Variants in MYH9 observed in about 807,000 individuals in gnomAD.
The protein encoded by MYH9 is myosin-9.
In MYH9, 29 loss-of-function variants were observed where a neutral mutation model predicts 241.9. That is an observed-to-expected ratio of 0.12 (90% CI 0.09 to 0.16). The LOEUF (loss-of-function observed/expected upper bound fraction) is 0.16. MYH9 is among the 10% of genes least tolerant of loss of function. The pLI, the probability that MYH9 is intolerant of heterozygous loss-of-function variation, is 1.00. For missense variants in MYH9, 1,803 were observed against 2,595.5 expected, an observed-to-expected ratio of 0.69 and a Z score of 6.63; for synonymous variants, 1,047 against 1,062.6, an observed-to-expected ratio of 0.99 and a Z score of 0.29.
chr22:36,337,164 C>T (rs577596583), intron 3 of MYH9, among the ~76,000 whole-genome samples: 3 of 152,290 alleles, frequency 2.0e-5, no homozygotes, highest in South Asian at 4.1e-4. Context: ...TCTTGCCCCC[C>T]ACGGAAACTT....
In MYH9 at chr22:36,293,548, C is replaced by T. The variant is rs2016740259; in HGVS notation, c.3943-67G>A. On this transcript the variant is annotated intron_variant, in intron 29 of 40. Transcript: ENST00000216181. This position sits in a 1 kb window ranked among gnomAD's most constrained non-coding sequence, Gnocchi z 5.1. ...GTGTCCAAAACCCAGGAACCCCACA[C>T]CCTTGAGGAGAGGGAGGAGCTGGTC... 6.3e-7 allele frequency: 1 copy of T among 1,594,752 alleles called. No homozygotes were observed. Among genetic ancestry groups the T allele is most frequent in the South Asian group, 1.1e-5 (1 of 90,814 alleles).
intron 1 of MYH9, among the ~76,000 whole-genome samples, chr22:36,349,956 T>C (rs1414949761): frequency 2.0e-5 from 3 of 152,154 alleles, no homozygotes; most frequent in Non-Finnish European, 4.4e-5. Context: ...CAACCCCACA[T>C]AGTGGAAGTT....
At chr22:36,367,456 T>C (rs949450187) in intron 1 of MYH9, among the ~76,000 whole-genome samples, 2 of 152,184 alleles carry the variant, frequency 1.3e-5, no homozygotes, top group Non-Finnish European at 2.9e-5. Context: ...AATGCCAAGC[T>C]TTCCAGAGAA....
Position 36,288,312 on chromosome 22 carries a change from C to A in MYH9, c.4872G>T (p.Ala1624=), listed in dbSNP as rs2269530. ...GGTTCTTGTTGGCCGAGTCGATGTG[C>A]GCCTCCAGGTCCTTCAGGTCCATCT... The part of the protein sequence containing the change: ...KLEMDLKDLE[A]HIDSANKNRD... Residue 1624 remains alanine, a synonymous_variant, in exon 34 of 41, where the codon GCG becomes GCT. Transcript: ENST00000216181. This position sits in a 1 kb window ranked among gnomAD's most constrained non-coding sequence, Gnocchi z 4.8. The A allele has an allele frequency of 0.22, 353,464 of 1,613,466 alleles. 46,971 individuals carry two copies. Among genetic ancestry groups the A allele is most frequent in the East Asian group, 0.61 (27,266 of 44,808 alleles).
chr22:36,282,396 A>C lies in MYH9; in HGVS notation c.*272T>G. On this transcript the variant is annotated 3_prime_UTR_variant, in exon 41 of 41. Transcript: ENST00000216181. ...GCTTTTTGGCAAGAGAGGGCTGAGG[A>C]GCCTGCTGGTCGCTCTCTGCCTGGG... 1 of 589,424 alleles carries C rather than the reference A, an allele frequency of 1.7e-6. No homozygotes were observed. Among genetic ancestry groups the C allele is most frequent in the Non-Finnish European group, 3.0e-6 (1 of 328,332 alleles). 36.5% of individuals were successfully genotyped at this position (589,424 alleles called of 1,614,324 possible).
intron 12 of MYH9, among the ~76,000 whole-genome samples, chr22:36,315,704 C>T (rs2017138439): frequency 6.6e-6 from 1 of 151,794 alleles, no homozygotes; most frequent in Admixed American, 6.6e-5. Flanking sequence ...GCCATGTTCA[C>T]ACCACTGCAC....
At chr22:36,343,208 C>G (rs1318851855) in intron 2 of MYH9, among the ~76,000 whole-genome samples, 1 of 152,068 alleles carries the variant, frequency 6.6e-6, no homozygotes, top group Non-Finnish European at 1.5e-5. Flanking sequence ...AGGCAGAACC[C>G]AGAGGGCCCC....
chr22:36,302,565 C>T lies in MYH9; in HGVS notation c.2499+3G>A. 1 of 1,612,266 alleles carries T rather than the reference C, an allele frequency of 6.2e-7. No individual in the cohort carries two copies. Among genetic ancestry groups the T allele is most frequent in the Non-Finnish European group, 8.5e-7 (1 of 1,179,492 alleles). ...CTACTCAGGAGGCCCTTCTAGCACGCACCTTGGTGAAGAGCCGCCACCACT... is the reference window on the plus strand; with the variant it reads ...CTACTCAGGAGGCCCTTCTAGCACGTACCTTGGTGAAGAGCCGCCACCACT... On this transcript the variant is annotated splice_donor_region_variant and intron_variant, in intron 20 of 40. Transcript: ENST00000216181.
In MYH9 at chr22:36,306,222, C is replaced by T. The variant is rs2016967449; in HGVS notation, c.2038-171G>A. On this transcript the variant is annotated intron_variant, in intron 16 of 40. Transcript: ENST00000216181. This position sits in a 1 kb window ranked among gnomAD's most constrained non-coding sequence, Gnocchi z 4.1. ...GATCCAGGTCTGGGAGGGGCCAATG[C>T]CACCAAGAGGAAGTGCAGGCTGTGA... Among the ~76,000 whole-genome samples the T allele has an allele frequency of 6.6e-6, 1 of 152,192 alleles. No individual in the cohort carries two copies. The highest frequency in any genetic ancestry group is 2.1e-4 in the South Asian group (1 of 4,826).
intron 3 of MYH9, among the ~76,000 whole-genome samples, chr22:36,333,930 G>C (rs193283581): frequency 9.4e-4 from 143 of 152,246 alleles, no homozygotes; most frequent in African/African-American, 3.3e-3. Context: ...AGTTTTTGTT[G>C]TTGGTTTATT....
rs147419066 is a variant in MYH9, at chr22:36,286,730, G to T, written c.5049C>A (p.Ile1683=). Residue 1683 remains isoleucine (I), a synonymous_variant, in exon 35 of 41, where the codon ATC becomes ATA. Coordinates refer to ENST00000216181, the MANE Select transcript of MYH9 (RefSeq NM_002473.6). Reference sequence around the variant, plus strand: ...CAGCCCCACCCACCTCCTGCAACTGGATCATCTCGGCCTCCATGCTCTTCA... The same window carrying T: ...CAGCCCCACCCACCTCCTGCAACTGTATCATCTCGGCCTCCATGCTCTTCA... ...KKLKSMEAEM[I]QLQEELAAAE... 210 of 1,612,782 alleles carry T rather than the reference G, an allele frequency of 1.3e-4. No homozygotes were observed. In the African/African-American group the frequency reaches 2.7e-3, roughly 21 times the overall value.
chr22:36,328,652 G>T (rs866920119), intron 3 of MYH9, among the ~76,000 whole-genome samples: 1 of 152,196 alleles, frequency 6.6e-6, no homozygotes, highest in Non-Finnish European at 1.5e-5. Flanking sequence ...CTCCACAAAC[G>T]GTTGCTGTCT....
intron 1 of MYH9, among the ~76,000 whole-genome samples, chr22:36,353,116 TGTGTG>T (rs1233540105): frequency 1.5e-4 from 18 of 117,740 alleles, no homozygotes; most frequent in African/African-American, 5.5e-4. Context: ...TGTGTGTGTG[TGTGTG>T]TGTGTGTGTG....
At chr22:36,354,113 G>C (rs561650332) in intron 1 of MYH9, among the ~76,000 whole-genome samples, 2 of 152,178 alleles carry the variant, frequency 1.3e-5, no homozygotes, top group African/African-American at 4.8e-5. Flanking sequence ...TGTTGGCCTG[G>C]CTGGTCTCAA....
At chr22:36,283,067 GA>G (rs1245594046) in intron 40 of MYH9, among the ~76,000 whole-genome samples, 1 of 152,170 alleles carries the variant, frequency 6.6e-6, no homozygotes, top group African/African-American at 2.4e-5. Flanking sequence ...ATTACAACAG[GA>G]AAGGCACAAA....
chr22:36,285,817 T>C lies in MYH9; in HGVS notation c.5151-36A>G, dbSNP rs567405265. On this transcript the variant is annotated intron_variant, in intron 36 of 40. Coordinates refer to ENST00000216181, the MANE Select transcript of MYH9 (RefSeq NM_002473.6). This position sits in a 1 kb window ranked among gnomAD's most constrained non-coding sequence, Gnocchi z 7.0. Reference sequence around the variant, plus strand: ...GGCGGGAGAAGTGAGGGGCCTACCCTGGGGACACACCTGGTCCCCCCCAAC... The same window carrying C: ...GGCGGGAGAAGTGAGGGGCCTACCCCGGGGACACACCTGGTCCCCCCCAAC... 2 of 1,613,220 alleles carry C rather than the reference T, an allele frequency of 1.2e-6. No individual in the cohort carries two copies. The highest frequency in any genetic ancestry group is 2.7e-5 in the African/African-American group (2 of 75,030).
chr22:36,360,405 C>G (rs2017919581), intron 1 of MYH9, among the ~76,000 whole-genome samples: 1 of 152,070 alleles, frequency 6.6e-6, no homozygotes, highest in Non-Finnish European at 1.5e-5. Flanking sequence ...TAGGAAGCAG[C>G]CTGCAAAAAG....
chr22:36,354,789 G>A lies in MYH9; in HGVS notation c.-19-5534C>T, dbSNP rs180889193. On this transcript the variant is annotated intron_variant, in intron 1 of 40. Coordinates refer to ENST00000216181, the MANE Select transcript of MYH9 (RefSeq NM_002473.6). ...GATACATTCCCAGGAGTGGAGTTAC[G>A]GGAGAAAAGAACATACAAACACTTC... is the stretch of plus-strand genomic sequence containing the variant. Among the ~76,000 whole-genome samples the A allele has an allele frequency of 7.2e-5, 11 of 152,064 alleles. No homozygotes were observed. The East Asian group carries it at 7.7e-4, about 11-fold the overall frequency.
At position 36,306,165 on chromosome 22, in the gene MYH9, A is replaced by G. The variant is rs2146348365; in HGVS notation, c.2038-114T>C. The G allele has an allele frequency of 6.5e-7, 1 of 1,536,760 alleles. No homozygotes were observed. Among genetic ancestry groups the G allele is most frequent in the Admixed American group, 1.7e-5 (1 of 59,058 alleles). ...CAAGAGCCTAAGGGAGGGGGTCGCT[A>G]CAGCCCACAGGTTTGGACAATGAAG... On this transcript the variant is annotated intron_variant, in intron 16 of 40. Coordinates refer to ENST00000216181, the MANE Select transcript of MYH9 (RefSeq NM_002473.6). This position sits in a 1 kb window ranked among gnomAD's most constrained non-coding sequence, Gnocchi z 4.1.
Sources: allele counts gnomAD v4.1 joint callset (sites outside exome capture counted in the v4.1 genomes callset), GRCh38; gene constraint gnomAD v4.1.1; non-coding constraint Gnocchi (gnomAD v3.1); transcripts MANE v1.5; gene names NCBI Gene and HGNC (gene_info 2026-07-23, HGNC 2026-07-21).